Variants in RSU1 observed in about 807,000 individuals in gnomAD.
RSU1 encodes the protein Ras suppressor protein 1, also known as rsu-1.
A neutral mutation model predicts 31.1 loss-of-function variants in RSU1; 26 were observed. The ratio of observed to expected loss-of-function variants is 0.84; its 90% CI spans 0.61 to 1.16. RSU1 has a LOEUF of 1.16. RSU1 is among the 50% of genes most tolerant of loss of function. RSU1 has a pLI of 0.00. For synonymous variants in RSU1, 164 were observed against 136.3 expected (o/e 1.20, Z -1.41); for missense variants, 320 against 339.1 (o/e 0.94, Z 0.44).
At chr10:16,642,247 G>A (rs958178431) in intron 8 of RSU1, among the ~76,000 whole-genome samples, 2 of 152,114 alleles carry the variant, frequency 1.3e-5, no homozygotes, top group African/African-American at 4.8e-5. Context: ...GTAGGGAGGA[G>A]GAAAAGAGGC....
At chr10:16,726,125 C>T (rs1836387954) in intron 7 of RSU1, among the ~76,000 whole-genome samples, 1 of 151,886 alleles carries the variant, frequency 6.6e-6, no homozygotes, top group Admixed American at 6.6e-5. Flanking sequence ...TTCTTGGACT[C>T]ACATAGTAAA....
In RSU1 at chr10:16,758,261, A is replaced by T. The variant is rs117494013; in HGVS notation, c.282-3272T>A. Reference sequence around the variant, plus strand: ...CAAGGAACTGCAGAGACTTCTGGCCACCTCTCCGGACACCAGTCCAGGTGG... The same window carrying T: ...CAAGGAACTGCAGAGACTTCTGGCCTCCTCTCCGGACACCAGTCCAGGTGG... On this transcript the variant is annotated intron_variant, in intron 4 of 8. Transcript: ENST00000345264. Among the ~76,000 whole-genome samples, 1,075 of 152,208 alleles carry T rather than the reference A, an allele frequency of 7.1e-3. 7 individuals carry two copies. The highest frequency in any genetic ancestry group is 0.012 in the Non-Finnish European group (820 of 67,998).
At chr10:16,776,914 T>A (rs1260864752) in intron 3 of RSU1, among the ~76,000 whole-genome samples, 1 of 152,044 alleles carries the variant, frequency 6.6e-6, no homozygotes, top group Non-Finnish European at 1.5e-5. Context: ...GTCATATTTT[T>A]ATTTTTTTTT....
At chr10:16,724,654 G>A (rs1029926694) in intron 7 of RSU1, among the ~76,000 whole-genome samples, 1 of 152,136 alleles carries the variant, frequency 6.6e-6, no homozygotes, top group Non-Finnish European at 1.5e-5. Flanking sequence ...TTTACTGTCC[G>A]AGAAGGAGGT....
At chr10:16,722,879 CACATAT>C (rs1836300710) in intron 7 of RSU1, among the ~76,000 whole-genome samples, 1 of 147,936 alleles carries the variant, frequency 6.8e-6, no homozygotes, top group Non-Finnish European at 1.5e-5. Flanking sequence ...TATATATACA[CACATAT>C]ACATATATGT....
intron 2 of RSU1, among the ~76,000 whole-genome samples, chr10:16,807,710 T>C (rs1838302809): frequency 6.6e-6 from 1 of 152,204 alleles, no homozygotes; most frequent in South Asian, 2.1e-4. Flanking sequence ...CACTATTTTA[T>C]TTGCTTAACA....
At chr10:16,611,598 C>A (rs1280789422) in intron 8 of RSU1, among the ~76,000 whole-genome samples, 2 of 152,214 alleles carry the variant, frequency 1.3e-5, no homozygotes, top group African/African-American at 4.8e-5. Context: ...CACCCACTGG[C>A]CTCTTTGTGT....
At chr10:16,785,513 T>C (rs993017189) in intron 2 of RSU1, among the ~76,000 whole-genome samples, 1 of 121,834 alleles carries the variant, frequency 8.2e-6, no homozygotes, top group Admixed American at 8.4e-5. Flanking sequence ...CATATATACA[T>C]ATATATATAT....
chr10:16,605,165 A>G lies in RSU1; in HGVS notation c.732-11669T>C, dbSNP rs182789876. 2.8e-4 allele frequency among the ~76,000 whole-genome samples: 42 copies of G among 152,274 alleles called. 1 individual carries two copies. Among genetic ancestry groups the G allele is most frequent in the Non-Finnish European group, 1.5e-4 (10 of 68,036 alleles). On this transcript the variant is annotated intron_variant, in intron 8 of 8. Coordinates refer to ENST00000345264, the MANE Select transcript of RSU1 (RefSeq NM_012425.4). ...CCTTGTGTTCCTTGTAATCAAAGCA[A>G]TGCTGGTCTTGATGAATACGTCACC...
intron 7 of RSU1, among the ~76,000 whole-genome samples, chr10:16,751,982 G>A (rs1274696991): frequency 6.6e-6 from 1 of 152,142 alleles, no homozygotes. Context: ...TCAGCGGCCA[G>A]GAGTAGGATC....
At chr10:16,762,685 T>G (rs1192566277) in intron 4 of RSU1, among the ~76,000 whole-genome samples, 1 of 152,170 alleles carries the variant, frequency 6.6e-6, no homozygotes, top group Non-Finnish European at 1.5e-5. Flanking sequence ...AGCAATAAAC[T>G]AAAAATCACT....
At chr10:16,720,530 A>C (rs1383992253) in intron 7 of RSU1, among the ~76,000 whole-genome samples, 1 of 152,234 alleles carries the variant, frequency 6.6e-6, no homozygotes, top group Non-Finnish European at 1.5e-5. Flanking sequence ...TTTATAGTTA[A>C]ACTCAGGGTA....
In RSU1 at chr10:16,593,448, A is replaced by C. The variant is rs1262976302; in HGVS notation, c.780T>G (p.Asn260Lys). The C allele has an allele frequency of 9.3e-6, 15 of 1,614,066 alleles. No homozygotes were observed. The highest frequency in any genetic ancestry group is 1.3e-5 in the Non-Finnish European group (15 of 1,180,002). ...MQANPEPPKKNNDKSKKISRK... is the reference protein window; with the variant it reads ...MQANPEPPKKKNDKSKKISRK... ...GGCTGATCTTTTTCGATTTGTCATT[A>C]TTCTTCTTCGGTGGTTCTGGGTTGG... Residue 260 changes from asparagine (N) to lysine (K), a missense_variant, in exon 9 of 9, where the codon AAT (asparagine) becomes AAG (lysine). Coordinates refer to ENST00000345264, the MANE Select transcript of RSU1 (RefSeq NM_012425.4).
chr10:16,714,286 T>G (rs1382228024), intron 7 of RSU1, among the ~76,000 whole-genome samples: 1 of 152,158 alleles, frequency 6.6e-6, no homozygotes, highest in Non-Finnish European at 1.5e-5. Flanking sequence ...TAGGAGTCTG[T>G]CTAGAGGAGC....
At chr10:16,749,360 C>T (rs1354190632) in intron 7 of RSU1, among the ~76,000 whole-genome samples, 1 of 152,148 alleles carries the variant, frequency 6.6e-6, no homozygotes, top group Non-Finnish European at 1.5e-5. Flanking sequence ...TCTTGCTTGG[C>T]TCAAATACCA....
intron 7 of RSU1, among the ~76,000 whole-genome samples, chr10:16,700,406 C>G (rs1004413907): frequency 1.3e-5 from 2 of 152,066 alleles, no homozygotes; most frequent in African/African-American, 4.8e-5. Context: ...CAAAACCAAG[C>G]AATTGATTTG....
chr10:16,594,026 C>T (rs1001805695), intron 8 of RSU1, among the ~76,000 whole-genome samples: 2 of 152,204 alleles, frequency 1.3e-5, no homozygotes, highest in Non-Finnish European at 2.9e-5. Flanking sequence ...ACAAAGTGCC[C>T]TATAATTACG....
At chr10:16,778,834 T>G (rs1187755618) in intron 3 of RSU1, among the ~76,000 whole-genome samples, 1 of 152,142 alleles carries the variant, frequency 6.6e-6, no homozygotes, top group African/African-American at 2.4e-5. Flanking sequence ...TAGGGCAGTT[T>G]CTGAAAGGCA....
At chr10:16,605,171 G>A (rs1485806833) in intron 8 of RSU1, among the ~76,000 whole-genome samples, 1 of 152,190 alleles carries the variant, frequency 6.6e-6, no homozygotes, top group Non-Finnish European at 1.5e-5. Flanking sequence ...AGCAATGCTG[G>A]TCTTGATGAA....
Sources: allele counts gnomAD v4.1 joint callset (sites outside exome capture counted in the v4.1 genomes callset), GRCh38; gene constraint gnomAD v4.1.1; transcripts MANE v1.5; gene names NCBI Gene and HGNC (gene_info 2026-07-23, HGNC 2026-07-21).